Variants in SHOC1 observed in about 807,000 individuals in gnomAD.
SHOC1 encodes the protein shortage in chiasmata 1, also known as protein shortage in chiasmata 1 ortholog.
SHOC1 carries 136 observed loss-of-function variants against 179.2 expected under a neutral mutation model. That is an observed-to-expected ratio of 0.76 (90% confidence interval 0.66 to 0.87). The LOEUF (loss-of-function observed/expected upper bound fraction) is 0.87. SHOC1 is among the 40% of genes least tolerant of loss of function. SHOC1 has a pLI of 0.00. For synonymous variants in SHOC1, 489 were observed against 586.6 expected, an observed-to-expected ratio of 0.83 and a Z score of 2.41; for missense variants, 1,538 against 1,700.8, an observed-to-expected ratio of 0.90 and a Z score of 1.68.
At chr9:111,763,787 C>T (rs146501203) in intron 5 of SHOC1, among the ~76,000 whole-genome samples, 1 of 152,218 alleles carries the variant, frequency 6.6e-6, no homozygotes, top group East Asian at 1.9e-4. Context: ...GTGATAACGA[C>T]TTGTTCTAGA....
In SHOC1 at chr9:111,705,330, A is replaced by G; in HGVS notation, c.2772T>C (p.Leu924=). 1 of 1,590,830 alleles carries G rather than the reference A, an allele frequency of 6.3e-7. No homozygotes were observed. The highest frequency in any genetic ancestry group is 8.6e-7 in the Non-Finnish European group (1 of 1,168,736). ...ACACATATGGAATCTGAATTTCCAA[A>G]AGAAAACCTCCAAATCTATCCAGCA... ...STLLDRFGGF[L]LEIQIPYVFF... is the part of the protein sequence containing the mutation. The change falls in exon 21 of 28, where the codon CTT becomes CTC. Residue 924 remains leucine, a synonymous_variant. Transcript: ENST00000682961.
intron 12 of SHOC1, 131 bp from the exon 13 acceptor site, chr9:111,728,180 C>T (rs1392414035): frequency 9.7e-6 from 6 of 620,200 alleles, no homozygotes; most frequent in Non-Finnish European, 1.2e-5. Flanking sequence ...TTGTTTACTG[C>T]TTTGAAAATC....
At chr9:111,784,971 C>G (rs1836209874) in intron 3 of SHOC1, among the ~76,000 whole-genome samples, 1 of 152,200 alleles carries the variant, frequency 6.6e-6, no homozygotes, top group African/African-American at 2.4e-5. Context: ...TCTATTGCAG[C>G]TGTAATCAAA....
At chr9:111,783,954 T>G (rs12343082) in intron 3 of SHOC1, among the ~76,000 whole-genome samples, 8,721 of 152,214 alleles carry the variant, frequency 0.057, 616 homozygotes, top group African/African-American at 0.17. Flanking sequence ...TTTGATGTTC[T>G]GAGATCAAAG....
At position 111,692,456 on chromosome 9, in the gene SHOC1, G is replaced by C. The variant is rs1391716332; in HGVS notation, c.3521C>G (p.Ser1174Ter). Reference sequence around the variant, plus strand: ...TTCCTGAGGTGACGAAATTTGCGGTGATTTTGTTATGGAAGAAGAACCAAT... The same window carrying C: ...TTCCTGAGGTGACGAAATTTGCGGTCATTTTGTTATGGAAGAAGAACCAAT... Reference protein sequence around the residue: ...FKIGSSSITKSPQISSPQENR... With the variant: ...FKIGSSSITK The change falls in exon 27 of 28, where the codon TCA becomes TGA. Residue 1174 changes from serine (S) to a stop codon, truncating the protein, a stop_gained. Coordinates refer to ENST00000682961, the MANE Select transcript of SHOC1 (RefSeq NM_001378211.1). LOFTEE classifies it high-confidence loss of function. The C allele has an allele frequency of 1.2e-6, 2 of 1,604,892 alleles. No homozygotes were observed. Among genetic ancestry groups the C allele is most frequent in the African/African-American group, 2.7e-5 (2 of 74,518 alleles).
At chr9:111,703,838 A>T (rs1832104725) in intron 22 of SHOC1, 43 bp downstream of exon 22, 1 of 912,984 alleles carries the variant, frequency 1.1e-6, no homozygotes, top group African/African-American at 1.7e-5. Context: ...ATAGCCATAT[A>T]TTTTAGTCTA....
chr9:111,777,836 T>G (rs1287100340), intron 4 of SHOC1, among the ~76,000 whole-genome samples: 1 of 152,190 alleles, frequency 6.6e-6, no homozygotes. Context: ...AGACCAATTG[T>G]GTCATATCTT....
intron 18 of SHOC1, among the ~76,000 whole-genome samples, chr9:111,708,997 G>A (rs897119772): frequency 2.6e-5 from 4 of 152,132 alleles, no homozygotes; most frequent in Non-Finnish European, 4.4e-5. Flanking sequence ...GTAGTGATAA[G>A]AAGTGAGTAC....
rs557634757 is a variant in SHOC1, at chr9:111,768,826, G to A, written c.442+6965C>T. Among the ~76,000 whole-genome samples the A allele has an allele frequency of 4.2e-4, 64 of 152,170 alleles. No homozygotes were observed. The South Asian group carries it at 5.8e-3, about 14-fold the overall frequency. ...AATAAAAGTGCTGAAAATGGACATC[G>A]TTGTCTTATTTCAGTCCTTAGAAGA... On this transcript the variant is annotated intron_variant, in intron 5 of 27. Transcript: ENST00000682961.
chr9:111,786,215 C>G (rs1836252650), intron 2 of SHOC1, among the ~76,000 whole-genome samples, 180 bp from the exon 3 acceptor site: 1 of 152,184 alleles, frequency 6.6e-6, no homozygotes, highest in South Asian at 2.1e-4. Flanking sequence ...GCGGGCAGAT[C>G]ACAAGGTCAG....
intron 8 of SHOC1, among the ~76,000 whole-genome samples, chr9:111,748,773 C>G (rs1014002385): frequency 7.7e-6 from 1 of 130,580 alleles, no homozygotes; most frequent in African/African-American, 3.0e-5. Flanking sequence ...TTCCTTCCTT[C>G]CTTCCCTCCC....
At chr9:111,789,695 A>T (rs315706) in intron 2 of SHOC1, among the ~76,000 whole-genome samples, 124,718 of 152,160 alleles carry the variant, frequency 0.82, 51,313 homozygotes, top group East Asian at 0.92. Context: ...TGATTAGTAT[A>T]GCGTTTGTAT....
At chr9:111,725,106 A>G (rs146080496) in intron 13 of SHOC1, among the ~76,000 whole-genome samples, 63 of 152,302 alleles carry the variant, frequency 4.1e-4, no homozygotes, top group South Asian at 8.3e-4. Flanking sequence ...TACCATCTTT[A>G]CATACATGGT....
chr9:111,777,641 A>T (rs750062045), intron 4 of SHOC1, among the ~76,000 whole-genome samples: 2 of 152,148 alleles, frequency 1.3e-5, no homozygotes, highest in African/African-American at 4.8e-5. Flanking sequence ...GTATATCTGT[A>T]TCATACCATT....
chr9:111,732,534 A>T (rs1833622952), intron 12 of SHOC1, among the ~76,000 whole-genome samples: 1 of 152,232 alleles, frequency 6.6e-6, no homozygotes, highest in Non-Finnish European at 1.5e-5. Context: ...TGATAAACAA[A>T]CTGTGGTATA....
At chr9:111,792,450 A>C (rs551897054) in intron 1 of SHOC1, among the ~76,000 whole-genome samples, 11 of 152,146 alleles carry the variant, frequency 7.2e-5, no homozygotes, top group Admixed American at 2.0e-4. Flanking sequence ...AAAAATACAA[A>C]AATTAGCTGG....
intron 17 of SHOC1, among the ~76,000 whole-genome samples, chr9:111,714,054 GC>G (rs1394063246): frequency 6.6e-6 from 1 of 152,076 alleles, no homozygotes; most frequent in South Asian, 2.1e-4. Flanking sequence ...TGGCTCTTTT[GC>G]CCAGGCTGGA....
In SHOC1 at chr9:111,691,562, T is replaced by C. The variant is rs774727084; in HGVS notation, c.4415A>G (p.Glu1472Gly). 6.2e-7 allele frequency: 1 copy of C among 1,611,550 alleles called. No homozygotes were observed. The highest frequency in any genetic ancestry group is 2.2e-5 in the East Asian group (1 of 44,824). ...TTGGATAGTGTTACCTGTTAATGAT[T>C]CCTTGTCTCCTGAGTTAAATGAAGA... is the stretch of plus-strand genomic sequence containing the variant. The part of the protein sequence containing the change: ...HESSFNSGDK[E>G]SLTGFMCSQL... Residue 1472 changes from glutamate (E) to glycine (G), a missense_variant, in exon 27 of 28, where the codon GAA becomes GGA. Transcript: ENST00000682961.
intron 5 of SHOC1, among the ~76,000 whole-genome samples, chr9:111,765,569 G>A (rs1246088428): frequency 1.3e-5 from 2 of 151,984 alleles, no homozygotes; most frequent in East Asian, 1.9e-4. Flanking sequence ...CAGCCTGGGC[G>A]ACAGGGCAAG....
Sources: gnomAD v4.1 joint callset for allele counts (sites outside exome capture counted in the v4.1 genomes callset) on GRCh38, gnomAD v4.1.1 for gene constraint, MANE v1.5 for transcripts, NCBI Gene and HGNC (gene_info 2026-07-23, HGNC 2026-07-21) for gene names.